NREP: variants seen among roughly 807,000 people sequenced by gnomAD.
NREP encodes the protein neuronal regeneration related protein.
NREP carries 5 observed loss-of-function variants against 8.6 expected under a neutral mutation model. The ratio of observed to expected loss-of-function variants is 0.58; its 90% CI spans 0.30 to 1.22. The LOEUF (loss-of-function observed/expected upper bound fraction) is 1.22. NREP is among the 50% of genes most tolerant of loss of function. The pLI, the probability that NREP is intolerant of heterozygous loss-of-function variation, is 0.07. For missense variants in NREP, 86 were observed against 82.5 expected (o/e 1.04, Z -0.17); for synonymous variants, 27 against 28.0 (o/e 0.96, Z 0.11).
intron 2 of NREP, among the ~76,000 whole-genome samples, chr5:111,969,053 G>C (rs906943267): frequency 1.3e-5 from 2 of 152,178 alleles, no homozygotes; most frequent in Admixed American, 6.5e-5. Flanking sequence ...CTATGGTCAA[G>C]TTAGAGAAAT....
chr5:111,872,827 G>T (rs906270391), intron 2 of NREP, among the ~76,000 whole-genome samples: 5 of 152,156 alleles, frequency 3.3e-5, no homozygotes, highest in African/African-American at 1.2e-4. Context: ...AGAGGAAGTA[G>T]TTAGCCCTAA....
chr5:111,767,355 C>T (rs1051005220), intron 2 of NREP, among the ~76,000 whole-genome samples: 1 of 152,112 alleles, frequency 6.6e-6, no homozygotes, highest in Non-Finnish European at 1.5e-5. Context: ...TCACTGGCAG[C>T]TCTCTCAAGT....
intron 2 of NREP, among the ~76,000 whole-genome samples, chr5:111,861,531 A>G (rs1220864539): frequency 1.3e-5 from 2 of 152,158 alleles, no homozygotes; most frequent in South Asian, 4.1e-4. Context: ...CCTTGTATCA[A>G]TTATCACTTT....
intron 2 of NREP, among the ~76,000 whole-genome samples, chr5:111,858,466 G>C (rs1167773575): frequency 6.6e-6 from 1 of 152,124 alleles, no homozygotes; most frequent in Non-Finnish European, 1.5e-5. Flanking sequence ...ACTGAAAGGA[G>C]TAGGGTAGCT....
At chr5:111,886,249 G>A (rs1457742796) in intron 2 of NREP, among the ~76,000 whole-genome samples, 6 of 152,136 alleles carry the variant, frequency 3.9e-5, no homozygotes, top group African/African-American at 1.2e-4. Context: ...CATCAAAGAA[G>A]TGCAAATCAA....
intron 2 of NREP, among the ~76,000 whole-genome samples, chr5:111,959,609 G>A (rs549347876): frequency 9.9e-5 from 15 of 151,942 alleles, no homozygotes; most frequent in Middle Eastern, 6.8e-3. Flanking sequence ...AACAATATAC[G>A]ATTTTTGACC....
intron 2 of NREP, among the ~76,000 whole-genome samples, chr5:111,964,791 T>C (rs935382480): frequency 7.1e-6 from 1 of 141,666 alleles, no homozygotes; most frequent in Non-Finnish European, 1.5e-5. Context: ...GGTATATACC[T>C]GTAGAGATTA....
chr5:111,803,675 T>A (rs376330716), intron 2 of NREP, among the ~76,000 whole-genome samples: 1 of 152,222 alleles, frequency 6.6e-6, no homozygotes, highest in Non-Finnish European at 1.5e-5. Context: ...ATATTTAGCA[T>A]AATTGATAGT....
At chr5:111,864,601 G>A (rs1753624927) in intron 2 of NREP, among the ~76,000 whole-genome samples, 1 of 151,914 alleles carries the variant, frequency 6.6e-6, no homozygotes, top group South Asian at 2.1e-4. Context: ...ATTTTTAAAA[G>A]ATCTCCTTAG....
chr5:111,957,731 G>T (rs529266681), intron 2 of NREP, among the ~76,000 whole-genome samples: 1 of 151,510 alleles, frequency 6.6e-6, no homozygotes, highest in African/African-American at 2.4e-5. Flanking sequence ...ATATATATCT[G>T]TAATTTTATA....
chr5:111,776,551 C>G (rs990416737), intron 2 of NREP, among the ~76,000 whole-genome samples: 1 of 152,140 alleles, frequency 6.6e-6, no homozygotes, highest in Admixed American at 6.6e-5. Context: ...TAGCCCTTAA[C>G]TGGAAACATT....
chr5:111,845,139 G>C lies in NREP; in HGVS notation c.136-109632C>G, dbSNP rs913405126. On this transcript the variant is annotated intron_variant, in intron 2 of 3. Transcript: ENST00000395634. ...TCAGTAGGGCAGACCTTGTGCTAGG[G>C]TCTAAGGTGAATTTACATGCTTACT... Among the ~76,000 whole-genome samples the C allele has an allele frequency of 3.9e-5, 6 of 152,200 alleles. No homozygotes were observed. In the South Asian group the frequency reaches 8.3e-4, roughly 21 times the overall value.
chr5:111,817,139 G>T (rs1222684233), intron 2 of NREP, among the ~76,000 whole-genome samples: 1 of 152,052 alleles, frequency 6.6e-6, no homozygotes, highest in Non-Finnish European at 1.5e-5. Context: ...CTAGAATCTA[G>T]CCATCTTGCT....
At chr5:111,749,911 G>T (rs1398984360) in intron 2 of NREP, among the ~76,000 whole-genome samples, 3 of 152,146 alleles carry the variant, frequency 2.0e-5, no homozygotes, top group African/African-American at 7.2e-5. Flanking sequence ...GGAGTGAGAG[G>T]GAGCAATAAA....
At chr5:111,914,363 A>G (rs184779126) in intron 2 of NREP, among the ~76,000 whole-genome samples, 3 of 152,130 alleles carry the variant, frequency 2.0e-5, no homozygotes, top group African/African-American at 7.2e-5. Context: ...TTGCCCTCAC[A>G]TGCTTATACT....
chr5:111,855,333 A>G (rs1753402087), intron 2 of NREP, among the ~76,000 whole-genome samples: 1 of 152,204 alleles, frequency 6.6e-6, no homozygotes, highest in African/African-American at 2.4e-5. Context: ...CTTATACATG[A>G]TAATTTGTTC....
chr5:111,789,301 A>C (rs1751685993), intron 2 of NREP, among the ~76,000 whole-genome samples: 1 of 152,182 alleles, frequency 6.6e-6, no homozygotes, highest in Non-Finnish European at 1.5e-5. Context: ...TATCAAACAC[A>C]TTGTGCAAAA....
At chr5:111,856,149 G>T (rs1055434219) in intron 2 of NREP, among the ~76,000 whole-genome samples, 1 of 152,170 alleles carries the variant, frequency 6.6e-6, no homozygotes, top group Non-Finnish European at 1.5e-5. Context: ...CGAGGATGCT[G>T]TCTGCTCACA....
chr5:111,808,825 A>T (rs1201744302), intron 2 of NREP, among the ~76,000 whole-genome samples: 1 of 152,192 alleles, frequency 6.6e-6, no homozygotes, highest in East Asian at 1.9e-4. Context: ...ACCAGAATGT[A>T]AGCTCCATCA....
Sources: gnomAD v4.1 joint callset for allele counts (sites outside exome capture counted in the v4.1 genomes callset) on GRCh38, gnomAD v4.1.1 for gene constraint, MANE v1.5 for transcripts, NCBI Gene and HGNC (gene_info 2026-07-23, HGNC 2026-07-21) for gene names.